The following AGTPBP1 variants were observed in gnomAD, a reference collection of about 807,000 sequenced individuals.
AGTPBP1 encodes the protein ATP/GTP binding carboxypeptidase 1.
AGTPBP1 carries 70 observed loss-of-function variants against 143.9 expected under a neutral mutation model. That is an observed-to-expected ratio of 0.49 (90% CI 0.40 to 0.59). The LOEUF is 0.59. Among genes scored for constraint, AGTPBP1 ranks in the 20% least tolerant of loss-of-function variants. The probability of loss-of-function intolerance (pLI) is 0.00; values close to 1 mark genes in which losing one functional copy is unlikely to be tolerated. For missense variants in AGTPBP1, 1,229 were observed against 1,464.5 expected, an observed-to-expected ratio of 0.84 and a Z score of 2.62; for synonymous variants, 463 against 500.2, an observed-to-expected ratio of 0.93 and a Z score of 0.99.
rs181096192 is a variant in AGTPBP1 at position 85,739,195 on chromosome 9, A to G, written c.-34+2580T>C. Among the ~76,000 whole-genome samples, 317 of 152,334 alleles carry G rather than the reference A, an allele frequency of 2.1e-3. 2 individuals are homozygous for G. Among genetic ancestry groups the G allele is most frequent in the African/African-American group, 7.3e-3 (302 of 41,566 alleles). On this transcript the variant is annotated intron_variant, in intron 1 of 25. Transcript: ENST00000357081. ...TACACCATAGTACACAGGCACAGTA[A>G]TCAACAATAACATCTGAAGTTTAAA...
intron 2 of AGTPBP1, among the ~76,000 whole-genome samples, chr9:85,710,779 T>G (rs913020598): frequency 6.6e-6 from 1 of 152,108 alleles, no homozygotes; most frequent in African/African-American, 2.4e-5. Flanking sequence ...GCTTTCAAAC[T>G]AAAAGTAATT....
At chr9:85,611,773 C>T (rs1299622279) in intron 17 of AGTPBP1, among the ~76,000 whole-genome samples, 1 of 152,110 alleles carries the variant, frequency 6.6e-6, no homozygotes, top group South Asian at 2.1e-4. Flanking sequence ...CTCCACCTCC[C>T]GAGTTCAAGC....
chr9:85,784,015 T>C, the AGTPBP1 span, among the ~76,000 whole-genome samples: 1 of 152,272 alleles, frequency 6.6e-6, no homozygotes, highest in Non-Finnish European at 1.5e-5. Context: ...AATTCATCTT[T>C]TGACTAAAAT....
chr9:85,651,349 G>A (rs763474484), intron 11 of AGTPBP1, among the ~76,000 whole-genome samples: 1 of 152,032 alleles, frequency 6.6e-6, no homozygotes, highest in Non-Finnish European at 1.5e-5. Flanking sequence ...TATACATTTG[G>A]ATTATTTGTA....
chr9:85,557,802 A>T (rs1218747388), intron 25 of AGTPBP1, among the ~76,000 whole-genome samples: 1 of 152,216 alleles, frequency 6.6e-6, no homozygotes, highest in Non-Finnish European at 1.5e-5. Context: ...TAAGGAAAAT[A>T]CAGATAACAG....
Position 85,686,558 on chromosome 9 carries a change from G to T in AGTPBP1, c.158-5223C>A, listed in dbSNP as rs545515013. The stretch of plus-strand genomic sequence containing the variant: ...CCCCCATTACTTTAACTATCAATCT[G>T]TTGGCTCTTAATCCTGCTCTTCATT... On this transcript the variant is annotated intron_variant, in intron 3 of 25. Coordinates refer to ENST00000357081, the MANE Select transcript of AGTPBP1 (RefSeq NM_001330701.2). 2.6e-5 allele frequency among the ~76,000 whole-genome samples: 4 copies of T among 152,210 alleles called. 1 individual carries two copies. Among genetic ancestry groups the T allele is most frequent in the African/African-American group, 7.2e-5 (3 of 41,544 alleles).
chr9:85,619,448 A>G (rs924143346), intron 15 of AGTPBP1, 147 bp from the exon 16 acceptor site: 6 of 586,298 alleles, frequency 1.0e-5, no homozygotes, highest in Non-Finnish European at 1.8e-5. Context: ...AAACAAGCAC[A>G]ATCAATACAT....
chr9:85,581,428 C>T (rs570165428), intron 23 of AGTPBP1, among the ~76,000 whole-genome samples: 10 of 152,154 alleles, frequency 6.6e-5, no homozygotes, highest in African/African-American at 9.7e-5. Flanking sequence ...GAGGCTCGCA[C>T]AGAAAATTCA....
intron 11 of AGTPBP1, among the ~76,000 whole-genome samples, chr9:85,647,341 G>A (rs1832881364): frequency 6.6e-6 from 1 of 152,148 alleles, no homozygotes; most frequent in Non-Finnish European, 1.5e-5. Context: ...GGTTGTATGT[G>A]GCCCATGGGC....
At chr9:85,558,575 A>T (rs952519062) in intron 25 of AGTPBP1, among the ~76,000 whole-genome samples, 4 of 152,220 alleles carry the variant, frequency 2.6e-5, no homozygotes, top group Non-Finnish European at 5.9e-5. Flanking sequence ...TTTAATTATG[A>T]TAAAACATTG....
At chr9:85,548,114 T>C (rs1427059726) in intron 25 of AGTPBP1, among the ~76,000 whole-genome samples, 2 of 152,212 alleles carry the variant, frequency 1.3e-5, no homozygotes, top group Non-Finnish European at 2.9e-5. Flanking sequence ...TGTATGTTTG[T>C]TTATTTCCCA....
chr9:85,689,243 G>C (rs1835686484), intron 3 of AGTPBP1, among the ~76,000 whole-genome samples: 1 of 152,114 alleles, frequency 6.6e-6, no homozygotes, highest in African/African-American at 2.4e-5. Context: ...GGCAGAGACT[G>C]TATGGCCCAC....
At chr9:85,585,429 A>G in intron 23 of AGTPBP1, 34 bp downstream of exon 23, 1 of 1,513,050 alleles carries the variant, frequency 6.6e-7, no homozygotes, top group Non-Finnish European at 8.9e-7. Flanking sequence ...CATGTTTGAA[A>G]TTCAAAAACT....
chr9:85,568,600 AAAG>A (rs1170860277), intron 25 of AGTPBP1, among the ~76,000 whole-genome samples: 2 of 152,194 alleles, frequency 1.3e-5, no homozygotes, highest in Non-Finnish European at 2.9e-5. Flanking sequence ...TAGTGCATGC[AAAG>A]AAGCTGGAGG....
intron 1 of AGTPBP1, among the ~76,000 whole-genome samples, chr9:85,731,105 A>G (rs1262956439): frequency 6.6e-6 from 1 of 152,234 alleles, no homozygotes; most frequent in Non-Finnish European, 1.5e-5. Context: ...AAGTTGTGAC[A>G]TCAACTTTTT....
intron 17 of AGTPBP1, among the ~76,000 whole-genome samples, chr9:85,608,378 C>T (rs567139090): frequency 6.6e-6 from 1 of 151,998 alleles, no homozygotes; most frequent in Non-Finnish European, 1.5e-5. Context: ...GTCTTCAAAA[C>T]ACCACTCTCA....
chr9:85,630,497 TGAGA>T (rs919746069), intron 14 of AGTPBP1, among the ~76,000 whole-genome samples: 75 of 145,076 alleles, frequency 5.2e-4, no homozygotes, highest in African/African-American at 1.9e-3. Flanking sequence ...ATTGATTGAT[TGAGA>T]CAGAGTCTTG....
intron 23 of AGTPBP1, among the ~76,000 whole-genome samples, chr9:85,584,375 T>G (rs1261635037): frequency 2.6e-5 from 4 of 152,214 alleles, no homozygotes; most frequent in Non-Finnish European, 5.9e-5. Context: ...AATTTCTGCA[T>G]GCCTTCCTCT....
At chr9:85,739,505 T>TC (rs1004695227) in intron 1 of AGTPBP1, among the ~76,000 whole-genome samples, 3 of 151,756 alleles carry the variant, frequency 2.0e-5, no homozygotes, top group African/African-American at 7.3e-5. Flanking sequence ...GGTCAGGAGT[T>TC]CAAGACGAGC....
Sources: gnomAD v4.1 joint callset for allele counts (sites outside exome capture counted in the v4.1 genomes callset) on GRCh38, gnomAD v4.1.1 for gene constraint, MANE v1.5 for transcripts, NCBI Gene and HGNC (gene_info 2026-07-23, HGNC 2026-07-21) for gene names.